Variants in WNT4 observed in about 807,000 individuals in gnomAD.
WNT4 encodes Wnt family member 4, also known as protein Wnt-4.
Under a neutral mutation model 34.5 loss-of-function variants are expected in WNT4, and 16 were observed. That is an observed-to-expected ratio of 0.46 (90% CI 0.31 to 0.70). The LOEUF is 0.70. Ranked by LOEUF, WNT4 falls within the 30% of genes least tolerant of loss-of-function variation. The pLI, the probability that WNT4 is intolerant of heterozygous loss-of-function variation, is 0.04. For synonymous variants in WNT4, 200 were observed against 211.9 expected (o/e 0.94, Z 0.49); for missense variants, 379 against 495.9 (o/e 0.76, Z 2.24).
At chr1:22,126,775 T>C (rs1161125364) in intron 2 of WNT4, among the ~76,000 whole-genome samples, 1 of 152,164 alleles carries the variant, frequency 6.6e-6, no homozygotes, top group East Asian at 1.9e-4. Context: ...ACGGGAGGCG[T>C]GTCTACACGA....
In WNT4 at chr1:22,137,820, C is replaced by CGG. The variant is rs769980349; in HGVS notation, c.77+5024_77+5025dup. ...AGCAGTGAGGGGCAGAGCAGCAGATCGGGGGGGCAACAGACACACTTCCTG... is the reference window on the plus strand; with the variant it reads ...AGCAGTGAGGGGCAGAGCAGCAGATCGGGGGGGGGCAACAGACACACTTCCTG... On this transcript the variant is annotated intron_variant, in intron 1 of 4. Transcript: ENST00000290167. The surrounding 1 kb of genome is among the most constrained non-coding windows in gnomAD (Gnocchi z 5.3). Among the ~76,000 whole-genome samples the CGG allele has an allele frequency of 1.3e-5, 2 of 152,082 alleles. No homozygotes were observed. Among genetic ancestry groups the CGG allele is most frequent in the Non-Finnish European group, 2.9e-5 (2 of 68,010 alleles).
rs1166504262 is a variant in WNT4 at position 22,118,458 on chromosome 1, T to A, written c.*1592A>T. 2 of 152,238 alleles carry A rather than the reference T, an allele frequency of 1.3e-5. No homozygotes were observed. The highest frequency in any genetic ancestry group is 4.8e-5 in the African/African-American group (2 of 41,452). 9.4% of individuals were successfully genotyped at this position (152,238 alleles called of 1,614,324 possible). A position where few individuals can be genotyped will look rare whatever the true frequency, so the allele number is the denominator to read the frequency against. ...TCCATGCATGTCCTTCTCACAAGCC[T>A]GGGCGGGGCTCGTGATGGTTTGGCG... is the stretch of plus-strand genomic sequence containing the variant. On this transcript the variant is annotated 3_prime_UTR_variant, in exon 5 of 5. Transcript: ENST00000290167.
rs935734690 is a variant in WNT4 at position 22,118,084 on chromosome 1, T to A, written c.*1966A>T. On this transcript the variant is annotated 3_prime_UTR_variant, in exon 5 of 5. Coordinates refer to ENST00000290167, the MANE Select transcript of WNT4 (RefSeq NM_030761.5). Reference sequence around the variant, plus strand: ...CTCCAGCACCTCACTTGGTTTTGGCTTCCTCCTTGTATGGACATTGAGCAG... The same window carrying A: ...CTCCAGCACCTCACTTGGTTTTGGCATCCTCCTTGTATGGACATTGAGCAG... 3.3e-5 allele frequency: 5 copies of A among 152,254 alleles called. No individual in the cohort carries two copies. The highest frequency in any genetic ancestry group is 1.2e-4 in the African/African-American group (5 of 41,454). The allele number at this position is 152,254 out of a possible 1,614,324, so 9.4% of individuals were successfully genotyped here. A position where few individuals can be genotyped will look rare whatever the true frequency, so the allele number is the denominator to read the frequency against.
Position 22,121,505 on chromosome 1 carries a change from T to C in WNT4, c.385A>G (p.Ser129Gly). ...GVAFAVTRAC[S>G]SGELEKCGCD... Reference sequence around the variant, plus strand: ...CCGCACTTCTCCAGCTCCCCACTGCTGCACGCCCGCGTCACTGCAAAGGCC... The same window carrying C: ...CCGCACTTCTCCAGCTCCCCACTGCCGCACGCCCGCGTCACTGCAAAGGCC... The change falls in exon 3 of 5, where the codon AGC (serine) becomes GGC (glycine). Residue 129 changes from serine to glycine, a missense_variant. Physicochemically the swap from Ser to Gly is moderately conservative, Grantham distance 56. Transcript: ENST00000290167. 1 of 1,614,032 alleles carries C rather than the reference T, an allele frequency of 6.2e-7. No homozygotes were observed. Among genetic ancestry groups the C allele is most frequent in the Non-Finnish European group, 8.5e-7 (1 of 1,180,020 alleles).
In WNT4 at chr1:22,137,995, A is replaced by G. The variant is rs1646035669; in HGVS notation, c.77+4851T>C. 6.6e-6 allele frequency among the ~76,000 whole-genome samples: 1 copy of G among 152,200 alleles called. No individual in the cohort carries two copies. The highest frequency in any genetic ancestry group is 1.5e-5 in the Non-Finnish European group (1 of 68,036). Reference sequence around the variant, plus strand: ...CCCACCTTTCATTCATCCATCAAAGATCGGCTGAGCACCTAGTACCTGACA... The same window carrying G: ...CCCACCTTTCATTCATCCATCAAAGGTCGGCTGAGCACCTAGTACCTGACA... On this transcript the variant is annotated intron_variant, in intron 1 of 4. Transcript: ENST00000290167. This position sits in a 1 kb window ranked among gnomAD's most constrained non-coding sequence, Gnocchi z 5.3.
chr1:22,125,244 A>G (rs577775965), intron 2 of WNT4, among the ~76,000 whole-genome samples: 8 of 151,830 alleles, frequency 5.3e-5, no homozygotes, highest in Admixed American at 4.6e-4. Flanking sequence ...GATGTCCCCC[A>G]GTTTTATCTT....
rs913611706 is a variant in WNT4, at chr1:22,140,837, G to A, written c.77+2009C>T. ...CTTCGTGGCAACCTGAACCATCACCGTTGCAGAGAACAGGTTTGCCAACCT... is the reference window on the plus strand; with the variant it reads ...CTTCGTGGCAACCTGAACCATCACCATTGCAGAGAACAGGTTTGCCAACCT... On this transcript the variant is annotated intron_variant, in intron 1 of 4. Coordinates refer to ENST00000290167, the MANE Select transcript of WNT4 (RefSeq NM_030761.5). The surrounding 1 kb of genome is among the most constrained non-coding windows in gnomAD (Gnocchi z 5.9). Among the ~76,000 whole-genome samples, 3 of 152,216 alleles carry A rather than the reference G, an allele frequency of 2.0e-5. No individual in the cohort carries two copies. Among genetic ancestry groups the A allele is most frequent in the East Asian group, 3.8e-4 (2 of 5,200 alleles).
rs1368724227 is a variant in WNT4, at chr1:22,139,706, G to T, written c.77+3140C>A. Among the ~76,000 whole-genome samples, 1 of 152,228 alleles carries T rather than the reference G, an allele frequency of 6.6e-6. No homozygotes were observed. Among genetic ancestry groups the T allele is most frequent in the Middle Eastern group, 3.2e-3 (1 of 316 alleles). On this transcript the variant is annotated intron_variant, in intron 1 of 4. Coordinates refer to ENST00000290167, the MANE Select transcript of WNT4 (RefSeq NM_030761.5). The surrounding 1 kb of genome is among the most constrained non-coding windows in gnomAD (Gnocchi z 4.6). ...GACACCCAATATGTGGCCCAGAGCT[G>T]GGACTGGAACCCAGGTATCCTGACT... is the stretch of plus-strand genomic sequence containing the variant.
Position 22,134,616 on chromosome 1 carries a change from G to T in WNT4, c.78-4765C>A, listed in dbSNP as rs1215924540. 6.6e-6 allele frequency among the ~76,000 whole-genome samples: 1 copy of T among 152,186 alleles called. No individual in the cohort carries two copies. Among genetic ancestry groups the T allele is most frequent in the Non-Finnish European group, 1.5e-5 (1 of 68,032 alleles). Reference sequence around the variant, plus strand: ...AGTGAACACCTCTGAGCCTCAGCGTGTTCATCTGTAAAGTGGGGAGACTGG... The same window carrying T: ...AGTGAACACCTCTGAGCCTCAGCGTTTTCATCTGTAAAGTGGGGAGACTGG... On this transcript the variant is annotated intron_variant, in intron 1 of 4. Coordinates refer to ENST00000290167, the MANE Select transcript of WNT4 (RefSeq NM_030761.5). This position sits in a 1 kb window ranked among gnomAD's most constrained non-coding sequence, Gnocchi z 4.1.
Position 22,129,803 on chromosome 1 carries a change from C to G in WNT4, c.126G>C (p.Thr42=), listed in dbSNP as rs779327911. 3 of 1,614,044 alleles carry G rather than the reference C, an allele frequency of 1.9e-6. No homozygotes were observed. Among genetic ancestry groups the G allele is most frequent in the African/African-American group, 1.3e-5 (1 of 75,052 alleles). ...SSVGSISEEE[T]CEKLKGLIQR... is the part of the protein sequence containing the mutation. ...GGATCAGGCCCTTGAGTTTCTCGCA[C>G]GTCTCCTCCTCTGAGATGCTCCCCA... Residue 42 remains threonine, a synonymous_variant, in exon 2 of 5, where the codon ACG becomes ACC. Transcript: ENST00000290167.
At chr1:22,121,397 C>G in intron 3 of WNT4, 44 bp from the exon 4 acceptor site, 1 of 1,613,898 alleles carries the variant, frequency 6.2e-7, no homozygotes, top group Non-Finnish European at 8.5e-7. Flanking sequence ...GAGTGAGGGC[C>G]AGGGCCAAGC....
rs987465480 is a variant in WNT4 at position 22,139,800 on chromosome 1, G to T, written c.77+3046C>A. ...TTTCTGAGCTCAGGTCCGTGGCAGG[G>T]CAGCCTCCTTAAGGGCAGAGTCCCA... On this transcript the variant is annotated intron_variant, in intron 1 of 4. Transcript: ENST00000290167. The surrounding 1 kb of genome is among the most constrained non-coding windows in gnomAD (Gnocchi z 4.6). 6.6e-6 allele frequency among the ~76,000 whole-genome samples: 1 copy of T among 152,202 alleles called. No individual in the cohort carries two copies. Among genetic ancestry groups the T allele is most frequent in the Non-Finnish European group, 1.5e-5 (1 of 68,038 alleles).
rs1646034980 is a variant in WNT4 at position 22,137,890 on chromosome 1, G to A, written c.77+4956C>T. The stretch of plus-strand genomic sequence containing the variant: ...TTAGTATCACCTGAGCCTCAGGGCA[G>A]TGGAGCAGAGCCTTCCTCCTACTGC... On this transcript the variant is annotated intron_variant, in intron 1 of 4. Coordinates refer to ENST00000290167, the MANE Select transcript of WNT4 (RefSeq NM_030761.5). The surrounding 1 kb of genome is among the most constrained non-coding windows in gnomAD (Gnocchi z 5.3). 6.6e-6 allele frequency among the ~76,000 whole-genome samples: 1 copy of A among 152,226 alleles called. No individual in the cohort carries two copies. Among genetic ancestry groups the A allele is most frequent in the African/African-American group, 2.4e-5 (1 of 41,454 alleles).
At chr1:22,130,540 T>C (rs1467441900) in intron 1 of WNT4, among the ~76,000 whole-genome samples, 1 of 152,236 alleles carries the variant, frequency 6.6e-6, no homozygotes, top group Non-Finnish European at 1.5e-5. Context: ...ACACTGAGTC[T>C]CCCAAGGGTT....
At chr1:22,141,661 A>G (rs890564571) in intron 1 of WNT4, among the ~76,000 whole-genome samples, 18 of 152,144 alleles carry the variant, frequency 1.2e-4, no homozygotes, top group African/African-American at 4.3e-4. Context: ...CCGTCCCCCA[A>G]GCCCTGGGTG....
chr1:22,124,096 C>T (rs1178592655), intron 2 of WNT4, among the ~76,000 whole-genome samples: 4 of 152,166 alleles, frequency 2.6e-5, no homozygotes, highest in Admixed American at 6.5e-5. Context: ...CCTGCTCGCT[C>T]GAGGAGGACC....
At chr1:22,124,784 C>T (rs866220698) in intron 2 of WNT4, among the ~76,000 whole-genome samples, 1 of 152,136 alleles carries the variant, frequency 6.6e-6, no homozygotes, top group African/African-American at 2.4e-5. Context: ...CTGGCTAAGG[C>T]TGAGTTGGAC....
At chr1:22,130,076 G>T (rs1645971623) in intron 1 of WNT4, among the ~76,000 whole-genome samples, 1 of 152,196 alleles carries the variant, frequency 6.6e-6, no homozygotes, top group African/African-American at 2.4e-5. Context: ...CTCAAGTTCA[G>T]CAAAGCAGGT....
chr1:22,125,968 A>G (rs1645937523), intron 2 of WNT4, among the ~76,000 whole-genome samples: 2 of 152,100 alleles, frequency 1.3e-5, no homozygotes, highest in Non-Finnish European at 2.9e-5. Context: ...TTAATATTTT[A>G]ATATTTGTTG....
Sources: allele counts gnomAD v4.1 joint callset (sites outside exome capture counted in the v4.1 genomes callset), GRCh38; gene constraint gnomAD v4.1.1; non-coding constraint Gnocchi (gnomAD v3.1); transcripts MANE v1.5; gene names NCBI Gene and HGNC (gene_info 2026-07-23, HGNC 2026-07-21).